Variants in SAR1B observed in about 807,000 individuals in gnomAD.
SAR1B encodes the protein secretion associated Ras related GTPase 1B.
Under a neutral mutation model 26.8 loss-of-function variants are expected in SAR1B, and 23 were observed. The ratio of observed to expected loss-of-function variants is 0.86; its 90% CI spans 0.62 to 1.22. SAR1B has a LOEUF of 1.22. Among genes scored for constraint, SAR1B ranks in the 50% most tolerant of loss-of-function variants. The pLI is 0.00. For synonymous variants in SAR1B, 65 were observed against 80.8 expected (o/e 0.80, Z 1.05); for missense variants, 196 against 232.8 (o/e 0.84, Z 1.03).
intron 1 of SAR1B, among the ~76,000 whole-genome samples, chr5:134,629,935 T>C (rs945700245): frequency 1.3e-5 from 2 of 148,596 alleles, no homozygotes; most frequent in Non-Finnish European, 3.0e-5. Flanking sequence ...GATAAAACCA[T>C]GACAAATATA....
rs534571606 is a variant in SAR1B at position 134,616,701 on chromosome 5, G to A, written c.179-3945C>T. Among the ~76,000 whole-genome samples, 12 of 152,086 alleles carry A rather than the reference G, an allele frequency of 7.9e-5. No individual in the cohort carries two copies. In the South Asian group the frequency reaches 1.5e-3, roughly 18 times the overall value. On this transcript the variant is annotated intron_variant, in intron 3 of 6. Coordinates refer to ENST00000402673, the MANE Select transcript of SAR1B (RefSeq NM_016103.4). The stretch of plus-strand genomic sequence containing the variant: ...CCAGTCAATCCCCATTTTCATCTCC[G>A]GAAGCAACCACTGATCTGAATTCTA...
At position 134,612,756 on chromosome 5, in the gene SAR1B, G is replaced by C; in HGVS notation, c.179C>G (p.Thr60Ser). ...LGQHVPTLHP[T>S]SEELTIAGMT... ...GCCAGCAATGGTCAGTTCTTCGGAA[G>C]CTAAATAAGATTTTAAAATATTTTT... The change falls in exon 4 of 7, where the codon ACT becomes AGT. Residue 60 changes from threonine (T) to serine (S), a missense_variant and splice_region_variant. Transcript: ENST00000402673. The C allele has an allele frequency of 6.5e-7, 1 of 1,540,580 alleles. No homozygotes were observed. Among genetic ancestry groups the C allele is most frequent in the South Asian group, 1.1e-5 (1 of 87,768 alleles).
intron 4 of SAR1B, among the ~76,000 whole-genome samples, chr5:134,611,564 A>G (rs1238045634): frequency 6.6e-6 from 1 of 151,864 alleles, no homozygotes; most frequent in Non-Finnish European, 1.5e-5. Flanking sequence ...CTACAAAAAA[A>G]ATTTTTTTTA....
intron 2 of SAR1B, among the ~76,000 whole-genome samples, chr5:134,622,445 C>T (rs541530961): frequency 6.8e-6 from 1 of 146,102 alleles, no homozygotes; most frequent in Non-Finnish European, 1.5e-5. Context: ...GAGTCTCGCT[C>T]TGTCACCCAG....
At chr5:134,611,333 T>C (rs1311059458) in intron 4 of SAR1B, among the ~76,000 whole-genome samples, 3 of 152,208 alleles carry the variant, frequency 2.0e-5, no homozygotes, top group Non-Finnish European at 4.4e-5. Context: ...CAACTATATG[T>C]CGCATCAGGT....
At chr5:134,608,529 CAAG>C in intron 5 of SAR1B, 26 bp from the exon 6 acceptor site, 1 of 1,604,558 alleles carries the variant, frequency 6.2e-7, no homozygotes, top group Non-Finnish European at 8.5e-7. Flanking sequence ...CAATACAAAA[CAAG>C]AGTTGATATG....
chr5:134,623,016 G>A (rs1311707946), intron 2 of SAR1B, among the ~76,000 whole-genome samples: 2 of 151,566 alleles, frequency 1.3e-5, no homozygotes, highest in South Asian at 2.1e-4. Flanking sequence ...CCAGATACTC[G>A]GGAGGCTGAG....
At chr5:134,609,750 A>G in intron 4 of SAR1B, 76 bp from the exon 5 acceptor site, 1 of 1,108,226 alleles carries the variant, frequency 9.0e-7, no homozygotes, top group South Asian at 1.3e-5. Flanking sequence ...GAGTCCAACC[A>G]GATATCAAGT....
chr5:134,632,661 G>A (rs1765628793), intron 1 of SAR1B, 67 bp downstream of exon 1: 1 of 152,308 alleles, frequency 6.6e-6, no homozygotes, highest in Non-Finnish European at 1.5e-5. Flanking sequence ...GGCCCTAAAA[G>A]TGCGCCTTCT....
intron 1 of SAR1B, among the ~76,000 whole-genome samples, chr5:134,627,841 T>TAAATAAATAAATAAAA (rs1197291364): frequency 1.1e-4 from 12 of 113,288 alleles, no homozygotes; most frequent in Admixed American, 4.8e-4. Context: ...AATAAATAAA[T>TAAATAAATAAATAAAA]AAAACCACAC....
chr5:134,616,505 C>T (rs1251772347), intron 3 of SAR1B, among the ~76,000 whole-genome samples: 4 of 133,172 alleles, frequency 3.0e-5, no homozygotes, highest in African/African-American at 1.1e-4. Context: ...ATATTTAATA[C>T]AATCTATATT....
rs758763772 is a variant in SAR1B at position 134,624,070 on chromosome 5, C to T, written c.-18-33G>A. ...AAAAGAGTTTGAATTTAGTAGTCAA[C>T]ATTAAACACCAATATACATTAAACT... On this transcript the variant is annotated intron_variant, in intron 1 of 6. Transcript: ENST00000402673. The T allele has an allele frequency of 8.7e-6, 10 of 1,155,766 alleles. No individual in the cohort carries two copies. The African/African-American group carries it at 1.5e-4, about 17-fold the overall frequency. The allele number at this position is 1,155,766 out of a possible 1,614,324, so 71.6% of individuals were successfully genotyped here.
chr5:134,623,330 C>T (rs1765443862), intron 2 of SAR1B, among the ~76,000 whole-genome samples: 1 of 151,580 alleles, frequency 6.6e-6, no homozygotes, highest in Non-Finnish European at 1.5e-5. Context: ...GTACCAGCTA[C>T]TCGGGAGGTT....
At chr5:134,623,475 A>G (rs1765447292) in intron 2 of SAR1B, among the ~76,000 whole-genome samples, 2 of 148,086 alleles carry the variant, frequency 1.4e-5, no homozygotes, top group African/African-American at 5.0e-5. Context: ...CAGCCTGGGC[A>G]ACATAGCAAG....
At chr5:134,608,271 G>C in intron 6 of SAR1B, 101 bp downstream of exon 6, 2 of 1,264,710 alleles carry the variant, frequency 1.6e-6, no homozygotes, top group Non-Finnish European at 2.2e-6. Flanking sequence ...TTTTCTTTAA[G>C]AAAATGATAA....
Position 134,607,082 on chromosome 5 carries a change from G to C in SAR1B, c.481-16C>G. 1 of 1,489,280 alleles carries C rather than the reference G, an allele frequency of 6.7e-7. No homozygotes were observed. Among genetic ancestry groups the C allele is most frequent in the Non-Finnish European group, 9.4e-7 (1 of 1,066,152 alleles). The allele number at this position is 1,489,280 out of a possible 1,614,324, so 92.3% of individuals were successfully genotyped here. ...ATATACTCCCCTAGAATAGAAGAGA[G>C]ACATTTCGTTGGAATTTTATAAAAT... is the stretch of plus-strand genomic sequence containing the variant. On this transcript the variant is annotated splice_polypyrimidine_tract_variant and intron_variant, in intron 6 of 6. Coordinates refer to ENST00000402673, the MANE Select transcript of SAR1B (RefSeq NM_016103.4).
rs534945100 is a variant in SAR1B at position 134,629,605 on chromosome 5, G to A, written c.-19+3123C>T. On this transcript the variant is annotated intron_variant, in intron 1 of 6. Transcript: ENST00000402673. ...CCAGCTACTCAGGAGGCTGAGGCAG[G>A]AGAATCGCTTGAACCTGGGAGGCAG... Among the ~76,000 whole-genome samples, 417 of 152,176 alleles carry A rather than the reference G, an allele frequency of 2.7e-3. 2 individuals carry two copies. Among genetic ancestry groups the A allele is most frequent in the Middle Eastern group, 0.01 (3 of 294 alleles).
chr5:134,623,723 A>C (rs1765451088), intron 2 of SAR1B, among the ~76,000 whole-genome samples: 1 of 152,178 alleles, frequency 6.6e-6, no homozygotes, highest in Non-Finnish European at 1.5e-5. Flanking sequence ...GGTAGGAATT[A>C]TTACTGCCAT....
chr5:134,614,833 AAT>A (rs893849952), intron 3 of SAR1B: 1 of 152,190 alleles, frequency 6.6e-6, no homozygotes, highest in African/African-American at 2.4e-5. Flanking sequence ...ATAAAACCAA[AAT>A]AGAGTTGTTT....
Sources: allele counts gnomAD v4.1 joint callset (sites outside exome capture counted in the v4.1 genomes callset), GRCh38; gene constraint gnomAD v4.1.1; transcripts MANE v1.5; gene names NCBI Gene and HGNC (gene_info 2026-07-23, HGNC 2026-07-21).